CC2D2B: variants seen among roughly 807,000 people sequenced by gnomAD.
CC2D2B encodes the protein protein CC2D2B.
In CC2D2B, 128 loss-of-function variants were observed where a neutral mutation model predicts 161.2. That is an observed-to-expected ratio of 0.79 (90% confidence interval 0.69 to 0.92). The LOEUF (loss-of-function observed/expected upper bound fraction) is 0.92, where lower values mean the gene tolerates loss of function less well. Ranked by LOEUF, CC2D2B falls within the 40% of genes least tolerant of loss-of-function variation. The pLI, the probability that CC2D2B is intolerant of heterozygous loss-of-function variation, is 0.00. For synonymous variants in CC2D2B, 391 were observed against 449.8 expected, an observed-to-expected ratio of 0.87 and a Z score of 1.65; for missense variants, 1,173 against 1,375.1, an observed-to-expected ratio of 0.85 and a Z score of 2.32.
chr10:96,000,095 CT>C, intron 24 of CC2D2B: 10 of 1,491,654 alleles, frequency 6.7e-6, no homozygotes, highest in East Asian at 2.7e-5. Context: ...GTGGGCATTC[CT>C]TTTTAAACAA....
chr10:96,016,337 A>T (rs1477045669), intron 30 of CC2D2B, 23 bp downstream of exon 30: 1 of 1,424,424 alleles, frequency 7.0e-7, no homozygotes, highest in Non-Finnish European at 9.9e-7. Flanking sequence ...GTTCATATTG[A>T]AATAATGTAA....
chr10:96,012,664 A>G lies in CC2D2B; in HGVS notation c.3361A>G (p.Ile1121Val), dbSNP rs375134007. The G allele has an allele frequency of 1.2e-4, 192 of 1,611,188 alleles. No homozygotes were observed. The highest frequency in any genetic ancestry group is 1.4e-4 in the Non-Finnish European group (160 of 1,177,520). Residue 1121 changes from isoleucine (I) to valine (V), a missense_variant, in exon 28 of 35, where the codon ATC becomes GTC. Ile to Val is a conservative substitution (Grantham distance 29). Transcript: ENST00000646931. ...EGIQFLVTRY[I>V]KALNPPQQLL... ...GATACAGTTCTTAGTCACAAGATAT[A>G]TCAAGGCATTAAATCCACCTCAGCA... is the stretch of plus-strand genomic sequence containing the variant.
intron 6 of CC2D2B, among the ~76,000 whole-genome samples, chr10:95,934,680 G>A (rs1352107148): frequency 6.6e-6 from 1 of 152,064 alleles, no homozygotes; most frequent in Non-Finnish European, 1.5e-5. Context: ...GTGAGGCGGT[G>A]CCCCACCCTG....
At chr10:95,917,531 T>C (rs1320564055) in intron 2 of CC2D2B, among the ~76,000 whole-genome samples, 1 of 152,204 alleles carries the variant, frequency 6.6e-6, no homozygotes, top group Non-Finnish European at 1.5e-5. Flanking sequence ...ATGTTTTAAC[T>C]CCTTGCTTTA....
chr10:95,999,912 TG>T, intron 24 of CC2D2B: 1 of 521,432 alleles, frequency 1.9e-6, no homozygotes, highest in Admixed American at 2.4e-5. Context: ...CTTCTTTTTC[TG>T]ATCATTTTCC....
At chr10:96,023,517 G>C (rs1447752998) in intron 32 of CC2D2B, among the ~76,000 whole-genome samples, 1 of 152,192 alleles carries the variant, frequency 6.6e-6, no homozygotes, top group African/African-American at 2.4e-5. Context: ...CATAAACCAG[G>C]CCTCTTTTTC....
At chr10:95,988,149 T>A (rs2077804873) in intron 19 of CC2D2B, 101 bp from the exon 20 acceptor site, 2 of 419,348 alleles carry the variant, frequency 4.8e-6, no homozygotes, top group Non-Finnish European at 8.1e-6. Flanking sequence ...GTTTCCAGTG[T>A]CTTACACATG....
intron 34 of CC2D2B, among the ~76,000 whole-genome samples, chr10:96,029,283 T>C (rs1299688878): frequency 0.015 from 968 of 63,092 alleles, 28 homozygotes; most frequent in African/African-American, 0.056. Flanking sequence ...TATATATATA[T>C]ATGTATATAT....
At chr10:95,997,689 G>T (rs370255766) in intron 24 of CC2D2B, among the ~76,000 whole-genome samples, 2 of 152,252 alleles carry the variant, frequency 1.3e-5, no homozygotes, top group East Asian at 3.9e-4. Context: ...CACCTGGCCT[G>T]CTTCTTAAAA....
At chr10:95,928,945 G>A (rs1212278444) in intron 6 of CC2D2B, among the ~76,000 whole-genome samples, 2 of 152,066 alleles carry the variant, frequency 1.3e-5, no homozygotes, top group African/African-American at 4.8e-5. Flanking sequence ...TTGGTCAAAT[G>A]GTATTTCTGG....
At chr10:96,024,244 C>CGT (rs2079591208) in intron 32 of CC2D2B, among the ~76,000 whole-genome samples, 2 of 129,034 alleles carry the variant, frequency 1.5e-5, no homozygotes, top group Non-Finnish European at 1.7e-5. Flanking sequence ...TGTGTATGTG[C>CGT]ATGTGTGTGT....
chr10:95,928,459 G>C (rs1327729872), intron 6 of CC2D2B, among the ~76,000 whole-genome samples: 1 of 152,066 alleles, frequency 6.6e-6, no homozygotes, highest in African/African-American at 2.4e-5. Context: ...TGCTGAACTT[G>C]CAGGTTTGTT....
chr10:95,960,610 T>C (rs1453106731), intron 11 of CC2D2B, among the ~76,000 whole-genome samples: 1 of 152,098 alleles, frequency 6.6e-6, no homozygotes, highest in African/African-American at 2.4e-5. Context: ...CCTTCTAGTC[T>C]CAAGTGGTCC....
At chr10:95,961,314 G>A (rs2076751942) in intron 11 of CC2D2B, among the ~76,000 whole-genome samples, 1 of 152,106 alleles carries the variant, frequency 6.6e-6, no homozygotes, top group Admixed American at 6.6e-5. Flanking sequence ...GATCGCTTGA[G>A]GTCAGAAGTT....
chr10:96,017,222 A>T (rs796159037), intron 30 of CC2D2B, among the ~76,000 whole-genome samples: 6 of 152,302 alleles, frequency 3.9e-5, no homozygotes, highest in African/African-American at 1.4e-4. Context: ...TAGCCCTACC[A>T]TGAGTATCTT....
rs1191234174 is a variant in CC2D2B at position 96,013,721 on chromosome 10, C to T, written c.3427-67C>T. On this transcript the variant is annotated intron_variant, in intron 28 of 34. Transcript: ENST00000646931. ...AGATTATATGCTAAATGAGAGAGTGCATGTAAAGCATTGTGCTAAGTGATG... is the reference window on the plus strand; with the variant it reads ...AGATTATATGCTAAATGAGAGAGTGTATGTAAAGCATTGTGCTAAGTGATG... 5 of 828,332 alleles carry T rather than the reference C, an allele frequency of 6.0e-6. No homozygotes were observed. In the East Asian group the frequency reaches 8.5e-5, roughly 14 times the overall value. 51.3% of individuals were successfully genotyped at this position (828,332 alleles called of 1,614,324 possible). A position where few individuals can be genotyped will look rare whatever the true frequency, so the allele number is the denominator to read the frequency against.
chr10:95,913,306 T>C (rs1566302630), intron 2 of CC2D2B: 2 of 190,022 alleles, frequency 1.1e-5, no homozygotes, highest in Non-Finnish European at 2.2e-5. Flanking sequence ...CTTTTTTTTA[T>C]GGCAGAATAG....
chr10:96,019,846 G>C lies in CC2D2B; in HGVS notation c.3888+22G>C, dbSNP rs1358007158. 4 of 1,592,692 alleles carry C rather than the reference G, an allele frequency of 2.5e-6. No individual in the cohort carries two copies. The Admixed American group carries it at 5.5e-5, about 22-fold the overall frequency. On this transcript the variant is annotated intron_variant, in intron 32 of 34. Coordinates refer to ENST00000646931, the MANE Select transcript of CC2D2B (RefSeq NM_001349008.3). ...ACAGGTAAATCATATTTTCCCAGGG[G>C]TGTCTGTATGAGAGTTACCATTGCT...
intron 31 of CC2D2B, 67 bp downstream of exon 31, chr10:96,019,404 T>A (rs557487362): frequency 3.5e-6 from 5 of 1,423,712 alleles, no homozygotes; most frequent in Non-Finnish European, 4.8e-6. Flanking sequence ...CACACTAGAA[T>A]CACCTGGGGA....
Sources: gnomAD v4.1 joint callset for allele counts (sites outside exome capture counted in the v4.1 genomes callset) on GRCh38, gnomAD v4.1.1 for gene constraint, MANE v1.5 for transcripts, NCBI Gene and HGNC (gene_info 2026-07-23, HGNC 2026-07-21) for gene names.